CTNNA2: variants seen among roughly 807,000 people sequenced by gnomAD.
CTNNA2 encodes catenin alpha-2.
A neutral mutation model predicts 101.0 loss-of-function variants in CTNNA2; 42 were observed. That is an observed-to-expected ratio of 0.42 (90% CI 0.32 to 0.54). CTNNA2 has a LOEUF of 0.54. Among genes scored for constraint, CTNNA2 ranks in the 20% least tolerant of loss-of-function variants. CTNNA2 has a pLI of 0.14. For missense variants in CTNNA2, 871 were observed against 1,223.1 expected, an observed-to-expected ratio of 0.71 and a Z score of 4.29; for synonymous variants, 450 against 456.4, an observed-to-expected ratio of 0.99 and a Z score of 0.18.
At chr2:80,374,674 CGTGCGTGCGT>C (rs1675758030) in intron 7 of CTNNA2, among the ~76,000 whole-genome samples, 1 of 117,720 alleles carries the variant, frequency 8.5e-6, no homozygotes, top group African/African-American at 4.0e-5. Context: ...CCTCTGCGTG[CGTGCGTGCGT>C]GTGTGTGTGT....
intron 1 of CTNNA2, among the ~76,000 whole-genome samples, chr2:79,627,727 G>A (rs1379880361): frequency 6.6e-6 from 1 of 152,112 alleles, no homozygotes; most frequent in Non-Finnish European, 1.5e-5. Context: ...TTTTGCATAA[G>A]TAAATCCTGG....
At chr2:80,550,704 C>G (rs1692486500) in intron 11 of CTNNA2, among the ~76,000 whole-genome samples, 1 of 152,184 alleles carries the variant, frequency 6.6e-6, no homozygotes, top group African/African-American at 2.4e-5. Flanking sequence ...ATTGCAGATT[C>G]AGTCACATCT....
At chr2:79,786,804 C>T (rs1203707661) in intron 3 of CTNNA2, among the ~76,000 whole-genome samples, 1 of 152,066 alleles carries the variant, frequency 6.6e-6, no homozygotes, top group Non-Finnish European at 1.5e-5. Context: ...ATTTAATTTC[C>T]CAGGATTTCT....
intron 7 of CTNNA2, among the ~76,000 whole-genome samples, chr2:80,117,936 A>G (rs1701617157): frequency 6.6e-6 from 1 of 152,146 alleles, no homozygotes; most frequent in Non-Finnish European, 1.5e-5. Context: ...TTATGAGGTG[A>G]CTACTGTTTT....
intron 7 of CTNNA2, among the ~76,000 whole-genome samples, chr2:80,230,899 C>T (rs867661658): frequency 2.0e-5 from 3 of 152,138 alleles, no homozygotes; most frequent in Non-Finnish European, 4.4e-5. Context: ...TTACTTTTAG[C>T]CAAATTCCTC....
At chr2:79,464,431 C>G (rs547251624) in intron 4 of CTNNA2, among the ~76,000 whole-genome samples, 50 of 152,150 alleles carry the variant, frequency 3.3e-4, no homozygotes, top group Non-Finnish European at 6.8e-4. Context: ...GTGAATAGTG[C>G]CACACTAAAC....
rs1242612510 is a variant in CTNNA2, at chr2:79,409,194, T to G, written c.-135+35181T>G. Among the ~76,000 whole-genome samples the G allele has an allele frequency of 2.0e-5, 3 of 152,230 alleles. No individual in the cohort carries two copies. The East Asian group carries it at 5.8e-4, about 29-fold the overall frequency. ...GTTTGAGTTCATTGTAGATTCTGGA[T>G]ATTAGCCCTTTGTCAGATGAGTAGA... On this transcript the variant is annotated intron_variant, in intron 4 of 21. Coordinates refer to the CTNNA2 transcript ENST00000466387.
intron 7 of CTNNA2, among the ~76,000 whole-genome samples, chr2:80,156,025 G>T (rs551565822): frequency 6.6e-6 from 1 of 152,312 alleles, no homozygotes; most frequent in South Asian, 2.1e-4. Flanking sequence ...TTCTGATTCA[G>T]TAGGTTGTAG....
intron 7 of CTNNA2, among the ~76,000 whole-genome samples, chr2:80,242,299 C>T (rs1671000939): frequency 6.6e-6 from 1 of 152,180 alleles, no homozygotes; most frequent in African/African-American, 2.4e-5. Context: ...TTGCTGTTTG[C>T]ACAACCTGAA....
chr2:79,994,699 TG>T (rs1362712010), intron 7 of CTNNA2, among the ~76,000 whole-genome samples: 4 of 152,146 alleles, frequency 2.6e-5, no homozygotes, highest in Non-Finnish European at 5.9e-5. Context: ...ATAGCTTTAA[TG>T]AAAAATGCAA....
intron 2 of CTNNA2, among the ~76,000 whole-genome samples, chr2:79,242,999 C>CACACAT (rs1553385593): frequency 2.7e-5 from 3 of 109,930 alleles, no homozygotes; most frequent in Admixed American, 9.5e-5. Flanking sequence ...TATATACACA[C>CACACAT]ACACACACAC....
chr2:79,268,252 C>A (rs960810841), intron 2 of CTNNA2, among the ~76,000 whole-genome samples: 6 of 152,066 alleles, frequency 3.9e-5, no homozygotes, highest in African/African-American at 1.4e-4. Flanking sequence ...TAATGGTCAG[C>A]AAGATCAGAA....
chr2:80,529,653 C>A (rs1690353545), intron 9 of CTNNA2, among the ~76,000 whole-genome samples: 1 of 152,116 alleles, frequency 6.6e-6, no homozygotes, highest in African/African-American at 2.4e-5. Context: ...TTTGAGGCAA[C>A]AGCCTGGGGT....
chr2:79,842,678 T>A (rs1362568719), intron 3 of CTNNA2, among the ~76,000 whole-genome samples: 6 of 152,062 alleles, frequency 3.9e-5, no homozygotes, highest in Non-Finnish European at 5.9e-5. Context: ...AATGAACAAT[T>A]TAAATTTAGC....
chr2:79,895,691 A>ATTTT lies in CTNNA2; in HGVS notation c.853-13903_853-13902insTTTT, dbSNP rs757762487. 1.9e-4 allele frequency among the ~76,000 whole-genome samples: 20 copies of ATTTT among 107,762 alleles called. 1 individual carries two copies. The highest frequency in any genetic ancestry group is 2.9e-4 in the Non-Finnish European group (16 of 55,514). 70.7% of individuals were successfully genotyped at this position (107,762 alleles called of 152,430 possible). A position where few individuals can be genotyped will look rare whatever the true frequency, so the allele number is the denominator to read the frequency against. On this transcript the variant is annotated intron_variant, in intron 6 of 18. Transcript: ENST00000402739. ...GATTATGTGGTTTGTGAAATTTCTT[A>ATTTT]ATTTTTTTTTTTTTTTTTGGCTGCA...
At chr2:79,319,794 C>G (rs576029739) in intron 3 of CTNNA2, 1 of 152,158 alleles carries the variant, frequency 6.6e-6, no homozygotes, top group African/African-American at 2.4e-5. Context: ...GAGAATTGTT[C>G]ACTTTATCTT....
intron 7 of CTNNA2, among the ~76,000 whole-genome samples, chr2:79,987,030 G>A (rs1691815151): frequency 6.6e-6 from 1 of 152,136 alleles, no homozygotes; most frequent in African/African-American, 2.4e-5. Flanking sequence ...TGCTTTTCTT[G>A]ACTGGCAGCC....
intron 7 of CTNNA2, among the ~76,000 whole-genome samples, chr2:80,043,056 T>C (rs1028454547): frequency 2.7e-5 from 1 of 36,924 alleles, no homozygotes; most frequent in South Asian, 6.9e-4. Context: ...TCTTTCTTTC[T>C]TTCTTTCTTT....
chr2:79,333,582 G>A (rs1322324110), intron 3 of CTNNA2, among the ~76,000 whole-genome samples: 2 of 152,008 alleles, frequency 1.3e-5, no homozygotes, highest in Non-Finnish European at 2.9e-5. Context: ...ATTCCTGTAT[G>A]CATAACATAG....
Sources: gnomAD v4.1 joint callset for allele counts (sites outside exome capture counted in the v4.1 genomes callset) on GRCh38, gnomAD v4.1.1 for gene constraint, MANE v1.5 for transcripts, NCBI Gene and HGNC (gene_info 2026-07-23, HGNC 2026-07-21) for gene names.